Variants in SMCO2 observed in about 807,000 individuals in gnomAD.
SMCO2 encodes the protein single-pass membrane protein with coiled-coil domains 2, also known as single-pass membrane and coiled-coil domain-containing protein 2.
SMCO2 carries 25 observed loss-of-function variants against 29.5 expected under a neutral mutation model. That is an observed-to-expected ratio of 0.85 (90% CI 0.62 to 1.18). The LOEUF is 1.18. SMCO2 is among the 50% of genes most tolerant of loss of function. The pLI is 0.00. For synonymous variants in SMCO2, 117 were observed against 123.3 expected (o/e 0.95, Z 0.34); for missense variants, 348 against 344.5 (o/e 1.01, Z -0.08).
At chr12:27,470,523 C>T in intron 1 of SMCO2, 99 bp from the exon 2 acceptor site, 5 of 1,356,720 alleles carry the variant, frequency 3.7e-6, no homozygotes, top group African/African-American at 1.5e-5. Flanking sequence ...GAATTAAAGC[C>T]AAATGCCCTG....
intron 4 of SMCO2, among the ~76,000 whole-genome samples, chr12:27,477,560 C>T (rs1389868826): frequency 1.1e-5 from 1 of 90,586 alleles, no homozygotes; most frequent in Non-Finnish European, 2.0e-5. Flanking sequence ...CTATCTGGAA[C>T]TCCTAATATC....
the SMCO2 span, among the ~76,000 whole-genome samples, chr12:27,453,609 G>A: frequency 1.3e-5 from 2 of 152,298 alleles, no homozygotes; most frequent in South Asian, 2.1e-4. Flanking sequence ...GAGACAGAAT[G>A]TTGGCCGATA....
the SMCO2 span, among the ~76,000 whole-genome samples, chr12:27,447,651 G>A: frequency 2.6e-5 from 4 of 151,490 alleles, no homozygotes; most frequent in African/African-American, 4.9e-5. Flanking sequence ...CCAACTACTC[G>A]GGAGGCTAAG....
intron 4 of SMCO2, among the ~76,000 whole-genome samples, chr12:27,479,117 C>G (rs1949617471): frequency 6.6e-6 from 1 of 152,192 alleles, no homozygotes; most frequent in African/African-American, 2.4e-5. Flanking sequence ...CCCCAGGCCC[C>G]TAGGCAGTGC....
In SMCO2 at chr12:27,498,342, G is replaced by A. The variant is rs1201321688; in HGVS notation, c.683+2487G>A. On this transcript the variant is annotated intron_variant, in intron 7 of 7. Coordinates refer to ENST00000298876, the Ensembl canonical transcript of SMCO2. ...GAGAAAGAATGGAAACTAGGCCATGGCATTTTATGGCTCCCTGAGATACAA... is the reference window on the plus strand; with the variant it reads ...GAGAAAGAATGGAAACTAGGCCATGACATTTTATGGCTCCCTGAGATACAA... The A allele has an allele frequency of 3.6e-5, 8 of 224,356 alleles. 1 individual carries two copies. The South Asian group carries it at 6.3e-4, about 18-fold the overall frequency. 13.9% of individuals were successfully genotyped at this position (224,356 alleles called of 1,614,324 possible). A position where few individuals can be genotyped will look rare whatever the true frequency, so the allele number is the denominator to read the frequency against.
the SMCO2 span, among the ~76,000 whole-genome samples, chr12:27,458,818 C>G: frequency 1.4e-5 from 2 of 141,044 alleles, no homozygotes; most frequent in Non-Finnish European, 3.0e-5. Flanking sequence ...ACCCGGGAGG[C>G]GGAGGTTGCA....
intron 5 of SMCO2, among the ~76,000 whole-genome samples, chr12:27,492,718 TTA>T (rs1258641060): frequency 6.6e-6 from 1 of 152,132 alleles, no homozygotes; most frequent in Non-Finnish European, 1.5e-5. Flanking sequence ...AAGGGAACAC[TTA>T]TACACAGTGG....
chr12:27,501,899 C>T (rs143860156), intron 7 of SMCO2, 24 bp from the exon 9 acceptor site: 24 of 1,485,396 alleles, frequency 1.6e-5, no homozygotes, highest in Non-Finnish European at 1.9e-5. Context: ...ATTTGGTTAA[C>T]ACAGATGTTT....
the SMCO2 span, among the ~76,000 whole-genome samples, chr12:27,429,988 G>A: frequency 3.3e-5 from 5 of 152,132 alleles, no homozygotes; most frequent in Admixed American, 1.3e-4. Flanking sequence ...CTGTGGTTTC[G>A]TAGTTTATAC....
At position 27,472,761 on chromosome 12, in the gene SMCO2, T is replaced by C. The variant is rs768916502; in HGVS notation, c.135-15T>C. The C allele has an allele frequency of 1.3e-6, 2 of 1,546,674 alleles. No homozygotes were observed. Among genetic ancestry groups the C allele is most frequent in the South Asian group, 2.4e-5 (2 of 83,868 alleles). The stretch of plus-strand genomic sequence containing the variant: ...GGCATAATAACAGCCTCTGTTTGGA[T>C]TGTGTGGCTTGCAGTTTGCTAAAGG... On this transcript the variant is annotated splice_polypyrimidine_tract_variant and intron_variant, in intron 2 of 7. Coordinates refer to ENST00000298876, the Ensembl canonical transcript of SMCO2.
chr12:27,473,117 A>G (rs1388941698), intron 3 of SMCO2: 1 of 414,144 alleles, frequency 2.4e-6, no homozygotes, highest in African/African-American at 2.0e-5. Context: ...AAGAAAAAAA[A>G]GTGAATTATA....
chr12:27,458,054 G>C, the SMCO2 span, among the ~76,000 whole-genome samples: 2 of 152,046 alleles, frequency 1.3e-5, no homozygotes, highest in African/African-American at 4.8e-5. Flanking sequence ...TCTGAGAAAA[G>C]GTTTTGTATG....
the SMCO2 span, among the ~76,000 whole-genome samples, chr12:27,435,189 C>T: frequency 4.8e-5 from 7 of 145,234 alleles, no homozygotes; most frequent in African/African-American, 1.8e-4. Flanking sequence ...TTTAATTATA[C>T]ATCCTGTATA....
chr12:27,452,630 T>C, the SMCO2 span, among the ~76,000 whole-genome samples: 2 of 152,154 alleles, frequency 1.3e-5, no homozygotes, highest in African/African-American at 4.8e-5. Flanking sequence ...ACTGAGACTA[T>C]AGGTGTGCAC....
At chr12:27,463,756 G>A (rs1275265249), upstream of SMCO2, among the ~76,000 whole-genome samples, 2 of 152,128 alleles carry the variant, frequency 1.3e-5, no homozygotes, top group Non-Finnish European at 2.9e-5. Flanking sequence ...ACAAAACCTT[G>A]TAATCAACAA....
chr12:27,470,800 A>C (rs1949535009), intron 2 of SMCO2, 35 bp downstream of exon 2: 2 of 1,545,686 alleles, frequency 1.3e-6, no homozygotes, highest in Middle Eastern at 1.7e-4. Context: ...AGCAGTTTCT[A>C]GGGTCCCAAC....
Position 27,498,068 on chromosome 12 carries a change from T to C in SMCO2, c.683+2213T>C. 4 of 291,454 alleles carry C rather than the reference T, an allele frequency of 1.4e-5. 1 individual carries two copies. In the South Asian group the frequency reaches 1.8e-4, roughly 13 times the overall value. 18.1% of individuals were successfully genotyped at this position (291,454 alleles called of 1,614,324 possible). A position where few individuals can be genotyped will look rare whatever the true frequency, so the allele number is the denominator to read the frequency against. Reference sequence around the variant, plus strand: ...GAAGGAAAAAGAAAGAAGCAAGGTCTTAACTGCAGAGGAATTGAGTGCTGC... The same window carrying C: ...GAAGGAAAAAGAAAGAAGCAAGGTCCTAACTGCAGAGGAATTGAGTGCTGC... On this transcript the variant is annotated intron_variant, in intron 7 of 7. Transcript: ENST00000298876.
rs1458565138 is a variant in SMCO2, at chr12:27,488,363, A to T, written c.363-97A>T. ...AAGCACTACCAAAGCATCCTTTTATATGGGAATGGTATTTCATTTTTGAAA... is the reference window on the plus strand; with the variant it reads ...AAGCACTACCAAAGCATCCTTTTATTTGGGAATGGTATTTCATTTTTGAAA... On this transcript the variant is annotated intron_variant, in intron 4 of 7. Transcript: ENST00000298876. 1.1e-5 allele frequency: 8 copies of T among 750,082 alleles called. No homozygotes were observed. In the East Asian group the frequency reaches 2.2e-4, roughly 20 times the overall value. 46.5% of individuals were successfully genotyped at this position (750,082 alleles called of 1,614,324 possible). A position where few individuals can be genotyped will look rare whatever the true frequency, so the allele number is the denominator to read the frequency against.
At chr12:27,454,432 A>G in the SMCO2 span, among the ~76,000 whole-genome samples, 3 of 152,278 alleles carry the variant, frequency 2.0e-5, no homozygotes, top group East Asian at 5.8e-4. Context: ...TCTGCATCCA[A>G]TTATTTATAG....
Sources: allele counts gnomAD v4.1 joint callset (sites outside exome capture counted in the v4.1 genomes callset), GRCh38; gene constraint gnomAD v4.1.1; transcripts MANE v1.5; gene names NCBI Gene and HGNC (gene_info 2026-07-23, HGNC 2026-07-21).